The following CHST11 variants were observed in gnomAD, a reference collection of about 807,000 sequenced individuals.
CHST11 encodes the protein C4S-1.
CHST11 carries 9 observed loss-of-function variants against 30.4 expected under a neutral mutation model. That is an observed-to-expected ratio of 0.30 (90% CI 0.18 to 0.52). CHST11 has a LOEUF of 0.52. Ranked by LOEUF, CHST11 falls within the 20% of genes least tolerant of loss-of-function variation. The pLI, the probability that CHST11 is intolerant of heterozygous loss-of-function variation, is 0.97. For missense variants in CHST11, 348 were observed against 460.6 expected (o/e 0.76, Z 2.24); for synonymous variants, 152 against 187.8 (o/e 0.81, Z 1.56).
intron 2 of CHST11, among the ~76,000 whole-genome samples, chr12:104,677,103 GA>G (rs1253045280): frequency 6.6e-6 from 1 of 152,194 alleles, no homozygotes. Context: ...CGTGACTGTT[GA>G]GAGCACAAAA....
chr12:104,514,334 T>C, intron 1 of CHST11: 1 of 979,124 alleles, frequency 1.0e-6, no homozygotes. Context: ...GAAACCTGTC[T>C]CTCAAGCAGC....
intron 2 of CHST11, among the ~76,000 whole-genome samples, chr12:104,650,829 A>G (rs1164032392): frequency 6.6e-6 from 1 of 152,216 alleles, no homozygotes; most frequent in Non-Finnish European, 1.5e-5. Flanking sequence ...CTCAGCCAGC[A>G]TTGCTAAGAA....
At chr12:104,514,342 A>G in intron 1 of CHST11, 1 of 964,426 alleles carries the variant, frequency 1.0e-6, no homozygotes, top group Non-Finnish European at 1.7e-6. Context: ...TCTCTCAAGC[A>G]GCAGCTCTTC....
Position 104,761,924 on chromosome 12 carries a change from C to T in CHST11, c.*4121C>T, listed in dbSNP as rs752984478. 1 of 152,168 alleles carries T rather than the reference C, an allele frequency of 6.6e-6. No homozygotes were observed. The highest frequency in any genetic ancestry group is 1.5e-5 in the Non-Finnish European group (1 of 68,038). 9.4% of individuals were successfully genotyped at this position (152,168 alleles called of 1,614,324 possible). On this transcript the variant is annotated 3_prime_UTR_variant, in exon 3 of 3. Coordinates refer to ENST00000303694, the MANE Select transcript of CHST11 (RefSeq NM_018413.6). ...CTGAATTCCACATTGCCAACAAAAG[C>T]GTGAAAATGTTCATGAACCTTCCTC...
At chr12:104,558,544 C>T (rs1555232294) in intron 1 of CHST11, among the ~76,000 whole-genome samples, 30,932 of 121,690 alleles carry the variant, frequency 0.25, 2,036 homozygotes, top group Middle Eastern at 0.42. Context: ...AAATTCCCCC[C>T]CCCGCCCCCC....
intron 2 of CHST11, among the ~76,000 whole-genome samples, chr12:104,632,881 A>G (rs922804704): frequency 1.3e-4 from 20 of 152,354 alleles, no homozygotes; most frequent in African/African-American, 4.8e-4. Context: ...GCCTCTTCTA[A>G]GCTGGGAAAT....
intron 1 of CHST11, among the ~76,000 whole-genome samples, chr12:104,589,645 T>G (rs2038838434): frequency 6.6e-6 from 1 of 152,174 alleles, no homozygotes; most frequent in Non-Finnish European, 1.5e-5. Context: ...AAACTGCAGT[T>G]GTATTATTTC....
At chr12:104,493,114 A>G (rs1179537999) in intron 1 of CHST11, among the ~76,000 whole-genome samples, 1 of 152,190 alleles carries the variant, frequency 6.6e-6, no homozygotes, top group Non-Finnish European at 1.5e-5. Flanking sequence ...TGTGTTTCCT[A>G]CTGTCAGTGA....
chr12:104,598,511 G>A (rs1285139851), intron 1 of CHST11, among the ~76,000 whole-genome samples: 1 of 152,158 alleles, frequency 6.6e-6, no homozygotes, highest in East Asian at 1.9e-4. Flanking sequence ...CTTCCCCATG[G>A]TGGGGAAGTC....
At position 104,760,079 on chromosome 12, in the gene CHST11, G is replaced by C. The variant is rs955449833; in HGVS notation, c.*2276G>C. On this transcript the variant is annotated 3_prime_UTR_variant, in exon 3 of 3. Coordinates refer to ENST00000303694, the MANE Select transcript of CHST11 (RefSeq NM_018413.6). ...CAGCCTTCAATGTGTGCTGTGCATG[G>C]TGAATCCCCAAAAATAATCCTTGAG... 5.3e-5 allele frequency: 8 copies of C among 152,048 alleles called. No homozygotes were observed. Among genetic ancestry groups the C allele is most frequent in the African/African-American group, 1.9e-4 (8 of 41,384 alleles). 9.4% of individuals were successfully genotyped at this position (152,048 alleles called of 1,614,324 possible).
rs1446615165 is a variant in CHST11, at chr12:104,458,110, T to TGAGCAGGTGTGGA, written c.118+585_118+597dup. 6.6e-6 allele frequency among the ~76,000 whole-genome samples: 1 copy of TGAGCAGGTGTGGA among 151,878 alleles called. No individual in the cohort carries two copies. The highest frequency in any genetic ancestry group is 1.5e-5 in the Non-Finnish European group (1 of 67,906). The stretch of plus-strand genomic sequence containing the variant: ...ACGTGTCCCGGGCTCCGCGCAGAGC[T>TGAGCAGGTGTGGA]GAGCAGGTGTGGAGAGTGGTCGGGT... On this transcript the variant is annotated intron_variant, in intron 1 of 2. Transcript: ENST00000303694. The surrounding 1 kb of genome is among the most constrained non-coding windows in gnomAD (Gnocchi z 5.7).
At chr12:104,677,585 C>T (rs765254452) in intron 2 of CHST11, among the ~76,000 whole-genome samples, 4 of 152,228 alleles carry the variant, frequency 2.6e-5, no homozygotes, top group Non-Finnish European at 5.9e-5. Context: ...TGTGATGTTT[C>T]TCCTTCAGGG....
intron 2 of CHST11, among the ~76,000 whole-genome samples, chr12:104,612,948 G>A (rs988572382): frequency 4.9e-4 from 75 of 152,168 alleles, no homozygotes; most frequent in Admixed American, 4.6e-3. Flanking sequence ...CAGGCTGGGC[G>A]CGGTGGCTCA....
intron 2 of CHST11, among the ~76,000 whole-genome samples, chr12:104,645,528 C>T (rs1285811177): frequency 2.6e-5 from 4 of 152,138 alleles, no homozygotes; most frequent in Non-Finnish European, 5.9e-5. Context: ...GGGTGGGCAC[C>T]GCAGTTGTCT....
At chr12:104,471,038 C>T (rs956420736) in intron 1 of CHST11, among the ~76,000 whole-genome samples, 6 of 152,282 alleles carry the variant, frequency 3.9e-5, no homozygotes, top group East Asian at 1.9e-4. Context: ...GTTTAGATGA[C>T]GCTCATGTCT....
At position 104,599,086 on chromosome 12, in the gene CHST11, T is replaced by C. The variant is rs544946915; in HGVS notation, c.119-2820T>C. ...CACACTGCACCGACTGCCTGTTGCA[T>C]AGCGAGCACTCCAGAAACGGTGGGG... is the stretch of plus-strand genomic sequence containing the variant. On this transcript the variant is annotated intron_variant, in intron 1 of 2. Transcript: ENST00000303694. 5.9e-5 allele frequency among the ~76,000 whole-genome samples: 9 copies of C among 152,312 alleles called. No homozygotes were observed. The South Asian group carries it at 1.9e-3, about 32-fold the overall frequency.
chr12:104,644,512 C>T (rs1296699665), intron 2 of CHST11, among the ~76,000 whole-genome samples: 2 of 152,260 alleles, frequency 1.3e-5, no homozygotes, highest in Non-Finnish European at 2.9e-5. Context: ...CACCTGGGCT[C>T]CCTGCAGCTG....
At chr12:104,720,468 A>G (rs2040166242) in intron 2 of CHST11, among the ~76,000 whole-genome samples, 1 of 152,196 alleles carries the variant, frequency 6.6e-6, no homozygotes, top group Admixed American at 6.5e-5. Flanking sequence ...TTCCTCATCC[A>G]GGAAGACAGG....
chr12:104,646,769 A>G (rs12826846), intron 2 of CHST11, among the ~76,000 whole-genome samples: 459 of 152,360 alleles, frequency 3.0e-3, no homozygotes, highest in Non-Finnish European at 4.8e-3. Flanking sequence ...AGTGAAGACC[A>G]GGACCAATGT....
Sources: gnomAD v4.1 joint callset for allele counts (sites outside exome capture counted in the v4.1 genomes callset) on GRCh38, gnomAD v4.1.1 for gene constraint, Gnocchi (gnomAD v3.1) non-coding constraint, MANE v1.5 for transcripts, NCBI Gene and HGNC (gene_info 2026-07-23, HGNC 2026-07-21) for gene names.